Variants in PUDP observed in about 807,000 individuals in gnomAD.
The protein encoded by PUDP is pseudouridine 5'-phosphatase.
Under a neutral mutation model 9.4 loss-of-function variants are expected in PUDP, and 8 were observed. The observed-to-expected ratio is 0.85, with a 90% CI of 0.50 to 1.53. The LOEUF is 1.53. Among genes scored for constraint, PUDP ranks in the 40% most tolerant of loss-of-function variants. The pLI is 0.00. For synonymous variants in PUDP, 99 were observed against 80.7 expected, an observed-to-expected ratio of 1.23 and a Z score of -1.22; for missense variants, 188 against 189.7, an observed-to-expected ratio of 0.99 and a Z score of 0.05.
At chrX:7,048,792 T>C (rs1271393929), downstream of PUDP, 2 of 112,505 alleles carry the variant, frequency 1.8e-5, no homozygotes, top group Non-Finnish European at 1.9e-5. Context: ...AATATATAAA[T>C]ATCCGTTTAC....
chrX:7,118,683 C>A (rs1165147093), intron 1 of PUDP, among the ~76,000 whole-genome samples: 2 of 112,062 alleles, frequency 1.8e-5, no homozygotes, highest in African/African-American at 6.5e-5. Context: ...AGCACAGAGC[C>A]CCTTCTGAGA....
At chrX:6,806,684 A>C (rs1327982656) in intron 3 of PUDP, among the ~76,000 whole-genome samples, 2 of 111,244 alleles carry the variant, frequency 1.8e-5, no homozygotes, top group Non-Finnish European at 3.8e-5. Context: ...TAGAGAGAAA[A>C]GGGTATGAAG....
rs972961596 is a variant in PUDP at position 6,794,530 on chromosome X, G to C, written c.*248-88064C>G. Among the ~76,000 whole-genome samples, 4 of 110,735 alleles carry C rather than the reference G, an allele frequency of 3.6e-5. No homozygotes were observed. In the Admixed American group the frequency reaches 3.9e-4, roughly 11 times the overall value. On this transcript the variant is annotated intron_variant and NMD_transcript_variant, in intron 3 of 3. Transcript: ENST00000655425. ...AGACTTTATAAACACTGTACACTCAGGTTACATTTAATTTACTTAAAAAAC... is the reference window on the plus strand; with the variant it reads ...AGACTTTATAAACACTGTACACTCACGTTACATTTAATTTACTTAAAAAAC...
chrX:6,766,531 T>C (rs756376952), intron 3 of PUDP, among the ~76,000 whole-genome samples: 55 of 111,890 alleles, frequency 4.9e-4, no homozygotes, highest in Non-Finnish European at 9.4e-4. Context: ...GTGATAGTTA[T>C]GAATATATTA....
At chrX:7,046,968 A>G (rs1929990522), downstream of PUDP, among the ~76,000 whole-genome samples, 1 of 112,050 alleles carries the variant, frequency 8.9e-6, no homozygotes, top group Admixed American at 9.5e-5. Context: ...GCATTTTGCA[A>G]TGAAGAATAT....
At chrX:6,818,810 C>G (rs771167823) in intron 3 of PUDP, among the ~76,000 whole-genome samples, 2 of 112,133 alleles carry the variant, frequency 1.8e-5, no homozygotes, top group South Asian at 3.7e-4. Flanking sequence ...TGGATTTATA[C>G]AGATTTGAGT....
intron 3 of PUDP, among the ~76,000 whole-genome samples, chrX:6,794,775 G>T (rs1473124372): frequency 9.1e-6 from 1 of 109,501 alleles, no homozygotes; most frequent in Non-Finnish European, 1.9e-5. Context: ...GGTCAGGCTG[G>T]TCTCAAACTG....
At chrX:6,895,484 ATGT>A (rs1386397769) in intron 3 of PUDP, among the ~76,000 whole-genome samples, 1 of 108,429 alleles carries the variant, frequency 9.2e-6, no homozygotes, top group Non-Finnish European at 1.9e-5. Context: ...TAATACTAAT[ATGT>A]TATTATATTT....
chrX:6,750,575 A>C (rs1266326628), intron 3 of PUDP, among the ~76,000 whole-genome samples: 1 of 111,511 alleles, frequency 9.0e-6, no homozygotes, highest in Non-Finnish European at 1.9e-5. Flanking sequence ...TTCTGCTGGA[A>C]ACATTGACCC....
chrX:6,900,326 T>TGGG (rs55900364), intron 3 of PUDP, among the ~76,000 whole-genome samples: 1,164 of 81,328 alleles, frequency 0.014, 36 homozygotes, highest in East Asian at 0.038. Context: ...TGTCACCACT[T>TGGG]GGGGGGGGGG....
At position 6,778,093 on chromosome X, in the gene PUDP, A is replaced by C. The variant is rs1225825186; in HGVS notation, c.*248-71627T>G. 2.7e-5 allele frequency among the ~76,000 whole-genome samples: 3 copies of C among 112,186 alleles called. No individual in the cohort carries two copies. In the East Asian group the frequency reaches 8.4e-4, roughly 31 times the overall value. On this transcript the variant is annotated intron_variant and NMD_transcript_variant, in intron 3 of 3. Transcript: ENST00000655425. The stretch of plus-strand genomic sequence containing the variant: ...GAGGCAGATAAGAGAAGCTGTTGGC[A>C]TGTTTTAATGAGGGAAAATGAGAAG...
At chrX:6,794,853 C>T (rs747620590) in intron 3 of PUDP, among the ~76,000 whole-genome samples, 7 of 109,635 alleles carry the variant, frequency 6.4e-5, no homozygotes, top group Non-Finnish European at 1.3e-4. Flanking sequence ...GCCACCACAC[C>T]CGACCTCTTT....
chrX:7,050,216 G>T lies in PUDP; in HGVS notation c.*80C>A. On this transcript the variant is annotated 3_prime_UTR_variant, in exon 4 of 4. Transcript: ENST00000381077. ...TCACAGCGCAGGTTGGGATTGAAGA[G>T]TTGCTGATTTCCTTTCCCTTTCCCC... The T allele has an allele frequency of 1.0e-6, 1 of 985,733 alleles. No individual in the cohort carries two copies. The highest frequency in any genetic ancestry group is 1.4e-6 in the Non-Finnish European group (1 of 721,874). 81.2% of individuals were successfully genotyped at this position (985,733 alleles called of 1,213,427 possible).
At chrX:6,986,123 T>A (rs1047542324) in intron 1 of PUDP, among the ~76,000 whole-genome samples, 3 of 111,795 alleles carry the variant, frequency 2.7e-5, no homozygotes, top group Non-Finnish European at 5.6e-5. Context: ...GCATGAATAA[T>A]CCACCCCTTG....
chrX:6,769,800 A>G (rs1021580113), intron 3 of PUDP, among the ~76,000 whole-genome samples: 1 of 112,192 alleles, frequency 8.9e-6, no homozygotes, highest in African/African-American at 3.2e-5. Flanking sequence ...CTGGGCTCTC[A>G]ATCGTACTTA....
intron 3 of PUDP, among the ~76,000 whole-genome samples, chrX:7,054,273 G>C: frequency 9.0e-6 from 1 of 111,452 alleles, no homozygotes; most frequent in African/African-American, 3.3e-5. Context: ...AGCCAAGCAT[G>C]GTGGCGCATG....
intron 3 of PUDP, among the ~76,000 whole-genome samples, chrX:6,801,886 C>T (rs75630677): frequency 0.036 from 4,021 of 111,608 alleles, 161 homozygotes; most frequent in East Asian, 0.25. Flanking sequence ...GATGTGTTGG[C>T]TGCCTGTCAG....
At chrX:6,950,852 A>G (rs1478524370) in intron 3 of PUDP, among the ~76,000 whole-genome samples, 3 of 112,177 alleles carry the variant, frequency 2.7e-5, no homozygotes, top group Admixed American at 9.4e-5. Context: ...ACTTCGTCCA[A>G]TCAGGTGAAG....
rs139403326 is a variant in PUDP, at chrX:6,781,877, G to A, written c.*248-75411C>T. 3.0e-4 allele frequency among the ~76,000 whole-genome samples: 34 copies of A among 112,335 alleles called. No individual in the cohort carries two copies. In the East Asian group the frequency reaches 9.5e-3, roughly 32 times the overall value. ...AGCCTAATGTATTACTAATGCCAAG[G>A]CTGAGAAACTCTGTTCTTTTGGTGG... On this transcript the variant is annotated intron_variant and NMD_transcript_variant, in intron 3 of 3. Transcript: ENST00000655425.
Sources: gnomAD v4.1 joint callset for allele counts (sites outside exome capture counted in the v4.1 genomes callset) on GRCh38, gnomAD v4.1.1 for gene constraint, MANE v1.5 for transcripts, NCBI Gene and HGNC (gene_info 2026-07-23, HGNC 2026-07-21) for gene names.